The following TSNARE1 variants were observed in gnomAD, a reference collection of about 807,000 sequenced individuals.
The protein encoded by TSNARE1 is t-SNARE domain containing 1, also known as t-SNARE domain-containing protein 1.
TSNARE1 carries 49 observed loss-of-function variants against 62.0 expected under a neutral mutation model. The observed-to-expected ratio is 0.79, with a 90% CI of 0.63 to 1.00. TSNARE1 has a LOEUF of 1.00. Among genes scored for constraint, TSNARE1 ranks in the 50% least tolerant of loss-of-function variants. The probability of loss-of-function intolerance (pLI) is 0.00; values close to 1 mark genes in which losing one functional copy is unlikely to be tolerated. For synonymous variants in TSNARE1, 328 were observed against 294.4 expected (o/e 1.11, Z -1.17); for missense variants, 755 against 700.1 (o/e 1.08, Z -0.88).
At chr8:142,279,259 G>A (rs1586977590) in intron 11 of TSNARE1, among the ~76,000 whole-genome samples, 1 of 152,252 alleles carries the variant, frequency 6.6e-6, no homozygotes, top group Non-Finnish European at 1.5e-5. Flanking sequence ...TCTGGAAGGG[G>A]AGGGCTGCCC....
At chr8:142,297,734 A>G (rs1250840670) in intron 10 of TSNARE1, among the ~76,000 whole-genome samples, 1 of 152,220 alleles carries the variant, frequency 6.6e-6, no homozygotes, top group African/African-American at 2.4e-5. Flanking sequence ...ACAGCCTCTC[A>G]TGCGTCACGC....
chr8:142,383,639 G>A (rs1206047636), intron 1 of TSNARE1, among the ~76,000 whole-genome samples: 1 of 152,194 alleles, frequency 6.6e-6, no homozygotes, highest in East Asian at 1.9e-4. Flanking sequence ...GGGCAGGAGT[G>A]TGGACACGTA....
intron 9 of TSNARE1, among the ~76,000 whole-genome samples, chr8:142,313,611 GTA>G (rs1363106267): frequency 6.6e-6 from 1 of 151,926 alleles, no homozygotes; most frequent in African/African-American, 2.4e-5. Context: ...GTGTTTATCT[GTA>G]TGTCTCTGTG....
At chr8:142,277,398 C>G (rs1396201470) in intron 11 of TSNARE1, 14 of 985,428 alleles carry the variant, frequency 1.4e-5, no homozygotes, top group Non-Finnish European at 1.6e-5. Flanking sequence ...GGAGACCCCC[C>G]TGCACTGGGT....
intron 9 of TSNARE1, among the ~76,000 whole-genome samples, chr8:142,304,068 A>G (rs1826234413): frequency 6.6e-6 from 1 of 152,256 alleles, no homozygotes; most frequent in African/African-American, 2.4e-5. Context: ...CCACCCTGAC[A>G]CGGGTAGAAG....
chr8:142,347,698 C>A (rs1833556120), intron 2 of TSNARE1, among the ~76,000 whole-genome samples: 1 of 144,774 alleles, frequency 6.9e-6, no homozygotes, highest in African/African-American at 2.6e-5. Context: ...CACGCCATCA[C>A]CTCGCCACAC....
intron 13 of TSNARE1, among the ~76,000 whole-genome samples, chr8:142,223,413 C>G (rs1309915202): frequency 6.6e-6 from 1 of 152,018 alleles, no homozygotes; most frequent in East Asian, 1.9e-4. Context: ...CGTTCACTCA[C>G]TCACTCATAC....
intron 9 of TSNARE1, among the ~76,000 whole-genome samples, chr8:142,304,942 G>T (rs1826412663): frequency 1.3e-5 from 2 of 152,220 alleles, no homozygotes. Context: ...GGGTCCCGTG[G>T]CCTGGGTAAA....
chr8:142,306,537 C>T (rs1826700336), intron 9 of TSNARE1, among the ~76,000 whole-genome samples: 1 of 152,156 alleles, frequency 6.6e-6, no homozygotes, highest in South Asian at 2.1e-4. Context: ...CAGCCAGGAT[C>T]GCCAACTCCA....
intron 2 of TSNARE1, among the ~76,000 whole-genome samples, chr8:142,351,837 C>G (rs1834127804): frequency 1.3e-5 from 2 of 152,192 alleles, no homozygotes. Flanking sequence ...TTCAACAGTC[C>G]ACACAATTTG....
At position 142,291,498 on chromosome 8, in the gene TSNARE1, C is replaced by T. The variant is rs974245321; in HGVS notation, c.1291-7013G>A. ...TCCATGGAGTCCCAGGATAGAAACA[C>T]ACTCACCCAGCCCCCGACCCAGCCC... On this transcript the variant is annotated intron_variant, in intron 10 of 13. Coordinates refer to ENST00000524325, the MANE Select transcript of TSNARE1 (RefSeq NM_145003.5). This position sits in a 1 kb window ranked among gnomAD's most constrained non-coding sequence, Gnocchi z 4.8. Among the ~76,000 whole-genome samples, 8 of 152,146 alleles carry T rather than the reference C, an allele frequency of 5.3e-5. No homozygotes were observed. The highest frequency in any genetic ancestry group is 1.9e-4 in the African/African-American group (8 of 41,454).
At chr8:142,288,813 C>T (rs1823259944) in intron 10 of TSNARE1, among the ~76,000 whole-genome samples, 1 of 152,240 alleles carries the variant, frequency 6.6e-6, no homozygotes, top group Admixed American at 6.5e-5. Flanking sequence ...TGTTAATTTG[C>T]ACCACAGCCA....
At chr8:142,248,852 G>A (rs950168054) in intron 12 of TSNARE1, among the ~76,000 whole-genome samples, 35 of 152,352 alleles carry the variant, frequency 2.3e-4, no homozygotes, top group African/African-American at 7.5e-4. Context: ...TGCCAGTCAC[G>A]GATGGTTCTC....
chr8:142,374,781 C>G (rs1353879076), intron 1 of TSNARE1, among the ~76,000 whole-genome samples: 1 of 151,550 alleles, frequency 6.6e-6, no homozygotes, highest in Non-Finnish European at 1.5e-5. Flanking sequence ...TCTGAGAAGG[C>G]TCTGGAAACT....
At chr8:142,287,145 C>G (rs977628297) in intron 10 of TSNARE1, among the ~76,000 whole-genome samples, 1 of 151,922 alleles carries the variant, frequency 6.6e-6, no homozygotes, top group Non-Finnish European at 1.5e-5. Context: ...GGACCCCGGC[C>G]AGATCTCAGG....
At chr8:142,378,975 G>C (rs1005116863) in intron 1 of TSNARE1, among the ~76,000 whole-genome samples, 10 of 152,204 alleles carry the variant, frequency 6.6e-5, no homozygotes, top group Non-Finnish European at 1.3e-4. Flanking sequence ...AGGCTCTGTG[G>C]TCGCCAAGCT....
intron 12 of TSNARE1, among the ~76,000 whole-genome samples, chr8:142,231,162 T>C (rs775343847): frequency 3.9e-5 from 6 of 152,172 alleles, no homozygotes; most frequent in Non-Finnish European, 8.8e-5. Flanking sequence ...CTCAATGTCA[T>C]TGCACCTTAA....
At chr8:142,270,530 T>C (rs1177421129) in intron 12 of TSNARE1, 8 of 982,174 alleles carry the variant, frequency 8.1e-6, no homozygotes, top group South Asian at 4.7e-5. Flanking sequence ...GAAAATTGGA[T>C]AGAAATTATT....
intron 12 of TSNARE1, among the ~76,000 whole-genome samples, chr8:142,232,173 C>A (rs960469419): frequency 6.6e-6 from 1 of 152,250 alleles, no homozygotes; most frequent in Admixed American, 6.5e-5. Flanking sequence ...GGTCTGCAGG[C>A]CGAGGTGCAT....
Sources: gnomAD v4.1 joint callset for allele counts (sites outside exome capture counted in the v4.1 genomes callset) on GRCh38, gnomAD v4.1.1 for gene constraint, Gnocchi (gnomAD v3.1) non-coding constraint, MANE v1.5 for transcripts, NCBI Gene and HGNC (gene_info 2026-07-23, HGNC 2026-07-21) for gene names.